LDLRAD3: variants seen among roughly 807,000 people sequenced by gnomAD.
LDLRAD3 encodes low-density lipoprotein receptor class A domain-containing protein 3.
In LDLRAD3, 20 loss-of-function variants were observed where a neutral mutation model predicts 29.4. The observed-to-expected ratio is 0.68, with a 90% CI of 0.48 to 0.99. The LOEUF is 0.99. Ranked by LOEUF, LDLRAD3 falls within the 50% of genes least tolerant of loss-of-function variation. The pLI is 0.00. For missense variants in LDLRAD3, 420 were observed against 454.3 expected (o/e 0.92, Z 0.69); for synonymous variants, 157 against 192.7 (o/e 0.81, Z 1.53).
At chr11:36,055,091 ATGTG>A (rs1199869529) in intron 2 of LDLRAD3, among the ~76,000 whole-genome samples, 2 of 3,462 alleles carry the variant, frequency 5.8e-4, no homozygotes, top group Non-Finnish European at 1.6e-3. Context: ...GGATGGATGG[ATGTG>A]TGGATGGATC....
At chr11:36,188,052 A>G (rs1854879568) in intron 4 of LDLRAD3, among the ~76,000 whole-genome samples, 1 of 152,172 alleles carries the variant, frequency 6.6e-6, no homozygotes, top group Admixed American at 6.5e-5. Context: ...GATAACGATG[A>G]GTAGGAATCA....
intron 1 of LDLRAD3, among the ~76,000 whole-genome samples, chr11:36,026,383 C>T (rs61510917): frequency 0.039 from 5,891 of 152,120 alleles, 395 homozygotes; most frequent in African/African-American, 0.14. Context: ...TTGCTGTCGC[C>T]CTGTGCACAT....
chr11:36,112,360 G>A (rs1202144465), intron 4 of LDLRAD3, among the ~76,000 whole-genome samples: 1 of 152,130 alleles, frequency 6.6e-6, no homozygotes, highest in Admixed American at 6.5e-5. Context: ...CCATCTCTTT[G>A]ACCACTACTA....
chr11:35,967,999 T>C, intron 1 of LDLRAD3: 1 of 435,798 alleles, frequency 2.3e-6, no homozygotes, highest in South Asian at 1.7e-5. Flanking sequence ...TAAACACTTC[T>C]ATCCAGGCTT....
chr11:36,178,331 C>T, intron 4 of LDLRAD3, among the ~76,000 whole-genome samples: 1 of 152,234 alleles, frequency 6.6e-6, no homozygotes, highest in East Asian at 1.9e-4. Context: ...CTGTTCCCCT[C>T]CCCGCCGCCA....
intron 4 of LDLRAD3, among the ~76,000 whole-genome samples, chr11:36,189,180 A>G (rs1004695951): frequency 6.6e-6 from 1 of 152,150 alleles, no homozygotes; most frequent in South Asian, 2.1e-4. Context: ...GAACATTTTT[A>G]TCACCTCAAA....
intron 2 of LDLRAD3, among the ~76,000 whole-genome samples, chr11:36,051,375 T>C (rs1350961154): frequency 1.3e-5 from 2 of 152,164 alleles, no homozygotes; most frequent in Non-Finnish European, 2.9e-5. Context: ...GTGAGTCAAA[T>C]CATGCTCTAC....
intron 4 of LDLRAD3, chr11:36,163,474 G>T (rs1854472518): frequency 6.6e-6 from 1 of 152,146 alleles, no homozygotes; most frequent in Admixed American, 6.5e-5. Context: ...TGTGTGACTG[G>T]GTATAGTCAA....
intron 1 of LDLRAD3, among the ~76,000 whole-genome samples, chr11:35,991,034 A>G (rs1851682625): frequency 6.6e-6 from 1 of 152,178 alleles, no homozygotes; most frequent in Non-Finnish European, 1.5e-5. Flanking sequence ...GGCAGTGCCT[A>G]TATGGAACTT....
At chr11:36,168,492 TTTC>T (rs869309074) in intron 4 of LDLRAD3, among the ~76,000 whole-genome samples, 3 of 129,750 alleles carry the variant, frequency 2.3e-5, no homozygotes, top group Middle Eastern at 3.8e-3. Flanking sequence ...CGTTTTTTTC[TTTC>T]TTCTTTTTTT....
At chr11:36,149,275 C>T (rs890295642) in intron 4 of LDLRAD3, among the ~76,000 whole-genome samples, 3 of 152,154 alleles carry the variant, frequency 2.0e-5, no homozygotes, top group Non-Finnish European at 4.4e-5. Context: ...GGTCAGATGC[C>T]TGTGCAGAAG....
chr11:35,957,425 A>T (rs1226896314), intron 1 of LDLRAD3, among the ~76,000 whole-genome samples: 1 of 152,218 alleles, frequency 6.6e-6, no homozygotes, highest in Non-Finnish European at 1.5e-5. Flanking sequence ...AGGAGATGAC[A>T]TTACCTGGCC....
Position 36,231,088 on chromosome 11 carries a change from C to G in LDLRAD3, c.*1691C>G, listed in dbSNP as rs1371435450. On this transcript the variant is annotated 3_prime_UTR_variant, in exon 6 of 6. Coordinates refer to ENST00000315571, the MANE Select transcript of LDLRAD3 (RefSeq NM_174902.4). ...TAAAATGGAACCAGGTAGAGCCACT[C>G]CGGGCAGCTGTCACCCATTCAGAAC... 2 of 152,622 alleles carry G rather than the reference C, an allele frequency of 1.3e-5. No individual in the cohort carries two copies. Among genetic ancestry groups the G allele is most frequent in the African/African-American group, 2.4e-5 (1 of 41,428 alleles). 9.5% of individuals were successfully genotyped at this position (152,622 alleles called of 1,614,324 possible). A position where few individuals can be genotyped will look rare whatever the true frequency, so the allele number is the denominator to read the frequency against.
rs116064459 is a variant in LDLRAD3, at chr11:36,210,827, G to A, written c.455-16258G>A. On this transcript the variant is annotated intron_variant, in intron 4 of 5. Coordinates refer to ENST00000315571, the MANE Select transcript of LDLRAD3 (RefSeq NM_174902.4). ...ATTGAGACCAAGTTTGCCATTTCCT[G>A]TAGGAACATTTCAGTAGCTTACTTC... Among the ~76,000 whole-genome samples the A allele has an allele frequency of 6.6e-5, 10 of 152,344 alleles. No homozygotes were observed. In the South Asian group the frequency reaches 1.0e-3, roughly 16 times the overall value.
chr11:36,211,781 G>T (rs1855286568), intron 4 of LDLRAD3, among the ~76,000 whole-genome samples: 2 of 152,162 alleles, frequency 1.3e-5, no homozygotes, highest in African/African-American at 2.4e-5. Context: ...TCTCTCTCCA[G>T]TTTTTAGGGT....
At chr11:36,155,936 G>A (rs909593447) in intron 4 of LDLRAD3, among the ~76,000 whole-genome samples, 3 of 152,120 alleles carry the variant, frequency 2.0e-5, no homozygotes, top group Non-Finnish European at 2.9e-5. Flanking sequence ...CCACCTGCAG[G>A]GCTCTGTGGA....
chr11:36,176,635 C>T (rs911979793), intron 4 of LDLRAD3, among the ~76,000 whole-genome samples: 18 of 152,220 alleles, frequency 1.2e-4, no homozygotes, highest in African/African-American at 4.1e-4. Flanking sequence ...CAGGCTAAAG[C>T]TAGGACCACT....
chr11:36,007,021 A>C (rs1851894137), intron 1 of LDLRAD3, among the ~76,000 whole-genome samples: 1 of 152,290 alleles, frequency 6.6e-6, no homozygotes. Flanking sequence ...AGCCCCACAC[A>C]GTGGGCCTCA....
At chr11:36,010,401 A>T (rs577068044) in intron 1 of LDLRAD3, among the ~76,000 whole-genome samples, 1 of 152,230 alleles carries the variant, frequency 6.6e-6, no homozygotes, top group Non-Finnish European at 1.5e-5. Context: ...ATTAGTGAAG[A>T]TAGACCCAAC....
Sources: allele counts gnomAD v4.1 joint callset (sites outside exome capture counted in the v4.1 genomes callset), GRCh38; gene constraint gnomAD v4.1.1; transcripts MANE v1.5; gene names NCBI Gene and HGNC (gene_info 2026-07-23, HGNC 2026-07-21).